Variants in GPRC5A observed in about 807,000 individuals in gnomAD.
GPRC5A encodes the protein G protein-coupled receptor class C group 5 member A.
In GPRC5A, 19 loss-of-function variants were observed where a neutral mutation model predicts 22.5. The observed-to-expected ratio is 0.85, with a 90% CI of 0.59 to 1.24. The LOEUF is 1.24. Among genes scored for constraint, GPRC5A ranks in the 50% most tolerant of loss-of-function variants. The pLI is 0.00. For synonymous variants in GPRC5A, 192 were observed against 184.5 expected, an observed-to-expected ratio of 1.04 and a Z score of -0.33; for missense variants, 471 against 451.1, an observed-to-expected ratio of 1.04 and a Z score of -0.40.
chr12:12,906,280 A>C lies in GPRC5A; in HGVS notation c.-7-1963A>C, dbSNP rs556209030. ...GTATATATAGAGTGATTAGAAGTAA[A>C]AATTCGAGGCTGGGCGGGGTGACTC... On this transcript the variant is annotated intron_variant, in intron 1 of 3. Transcript: ENST00000014914. Among the ~76,000 whole-genome samples, 3 of 152,344 alleles carry C rather than the reference A, an allele frequency of 2.0e-5. No homozygotes were observed. In the East Asian group the frequency reaches 5.8e-4, roughly 29 times the overall value.
chr12:12,895,117 T>C (rs866032370), intron 1 of GPRC5A, among the ~76,000 whole-genome samples: 9 of 152,290 alleles, frequency 5.9e-5, no homozygotes, highest in Middle Eastern at 6.8e-3. Flanking sequence ...TCCCTAATTA[T>C]TATAAAACAA....
intron 1 of GPRC5A, among the ~76,000 whole-genome samples, chr12:12,902,857 C>T (rs546373757): frequency 1.1e-4 from 17 of 152,092 alleles, no homozygotes; most frequent in African/African-American, 4.1e-4. Flanking sequence ...CAGCTGAGGT[C>T]GGGTATTTGA....
At position 12,915,789 on chromosome 12, in the gene GPRC5A, T is replaced by A. The variant is rs779765094; in HGVS notation, c.*3250T>A. On this transcript the variant is annotated 3_prime_UTR_variant, in exon 4 of 4. Transcript: ENST00000014914. ...CCGTGGCCTCTGAAAGTGCTGGGAT[T>A]ACAGGCATGAGCCACCGCGCCCGGC... 2.0e-6 allele frequency: 1 copy of A among 490,982 alleles called. No individual in the cohort carries two copies. Among genetic ancestry groups the A allele is most frequent in the Non-Finnish European group, 4.3e-6 (1 of 234,694 alleles). 30.4% of individuals were successfully genotyped at this position (490,982 alleles called of 1,614,324 possible).
At position 12,912,557 on chromosome 12, in the gene GPRC5A, G is replaced by C. The variant is rs779961481; in HGVS notation, c.*18G>C. On this transcript the variant is annotated 3_prime_UTR_variant, in exon 4 of 4. Coordinates refer to ENST00000014914, the MANE Select transcript of GPRC5A (RefSeq NM_003979.4). The stretch of plus-strand genomic sequence containing the variant: ...GCAGCTAACTCTGTCCTGAAGAGTG[G>C]GACAAATGCAGCCGGGCGGCAGATC... 1 of 1,435,794 alleles carries C rather than the reference G, an allele frequency of 7.0e-7. No homozygotes were observed. The highest frequency in any genetic ancestry group is 9.8e-7 in the Non-Finnish European group (1 of 1,017,484). The allele number at this position is 1,435,794 out of a possible 1,614,324, so 88.9% of individuals were successfully genotyped here.
chr12:12,906,534 G>A (rs1321458034), intron 1 of GPRC5A, among the ~76,000 whole-genome samples: 1 of 152,116 alleles, frequency 6.6e-6, no homozygotes, highest in Non-Finnish European at 1.5e-5. Context: ...GATCCAGCCT[G>A]GGTGACAGAG....
chr12:12,899,617 T>G (rs1037911966), intron 1 of GPRC5A, among the ~76,000 whole-genome samples: 1 of 152,202 alleles, frequency 6.6e-6, no homozygotes, highest in African/African-American at 2.4e-5. Context: ...AGCATGTAAA[T>G]GAGAGAATAT....
intron 1 of GPRC5A, among the ~76,000 whole-genome samples, chr12:12,892,517 A>G (rs969260130): frequency 1.3e-5 from 2 of 151,924 alleles, no homozygotes; most frequent in African/African-American, 2.4e-5. Context: ...ACAGGCATGC[A>G]CCACCACTCC....
rs1334753728 is a variant in GPRC5A at position 12,916,598 on chromosome 12, G to T, written c.*4059G>T. 1 of 152,184 alleles carries T rather than the reference G, an allele frequency of 6.6e-6. No homozygotes were observed. The highest frequency in any genetic ancestry group is 1.9e-4 in the East Asian group (1 of 5,194). The allele number at this position is 152,184 out of a possible 1,614,324, so 9.4% of individuals were successfully genotyped here. On this transcript the variant is annotated 3_prime_UTR_variant, in exon 4 of 4. Transcript: ENST00000014914. The stretch of plus-strand genomic sequence containing the variant: ...CTTCCTCCCTCCCACTAACTTTAAA[G>T]AATTGCTCTCCATCTCCTTTGGCAA...
chr12:12,911,710 G>C (rs771630991), intron 2 of GPRC5A, among the ~76,000 whole-genome samples: 13 of 152,006 alleles, frequency 8.6e-5, no homozygotes, highest in Admixed American at 2.0e-4. Context: ...GGATGGTCTC[G>C]ATCTCCTGAC....
At chr12:12,893,448 T>C (rs2136454039) in intron 1 of GPRC5A, among the ~76,000 whole-genome samples, 1 of 152,356 alleles carries the variant, frequency 6.6e-6, no homozygotes, top group Admixed American at 6.5e-5. Flanking sequence ...AACAATAAAT[T>C]GAGGAGTATT....
At chr12:12,898,914 G>A (rs1448626573) in intron 1 of GPRC5A, among the ~76,000 whole-genome samples, 1 of 152,124 alleles carries the variant, frequency 6.6e-6, no homozygotes, top group Non-Finnish European at 1.5e-5. Flanking sequence ...AGGTAGAATG[G>A]GTCACTGTTT....
Position 12,912,696 on chromosome 12 carries a change from T to C in GPRC5A, c.*157T>C, listed in dbSNP as rs1211205108. The stretch of plus-strand genomic sequence containing the variant: ...AGCCTCAACCACAATTCTTCCATGC[T>C]GGGGCTGATGTGGGCTAGTAAGACT... On this transcript the variant is annotated 3_prime_UTR_variant, in exon 4 of 4. Transcript: ENST00000014914. 3 of 600,682 alleles carry C rather than the reference T, an allele frequency of 5.0e-6. No homozygotes were observed. The highest frequency in any genetic ancestry group is 2.8e-5 in the East Asian group (1 of 36,226). The allele number at this position is 600,682 out of a possible 1,614,324, so 37.2% of individuals were successfully genotyped here.
At chr12:12,902,469 A>G (rs950494567) in intron 1 of GPRC5A, among the ~76,000 whole-genome samples, 2 of 152,196 alleles carry the variant, frequency 1.3e-5, no homozygotes, top group African/African-American at 4.8e-5. Context: ...TATCTTTTAG[A>G]GAGACGTTCT....
chr12:12,909,497 G>C (rs1863981305), intron 2 of GPRC5A: 2 of 225,608 alleles, frequency 8.9e-6, no homozygotes, highest in South Asian at 2.9e-4. Flanking sequence ...ATAAGATGCA[G>C]CAAAGACATG....
At chr12:12,911,488 CTTT>C in intron 2 of GPRC5A, among the ~76,000 whole-genome samples, 1 of 142,576 alleles carries the variant, frequency 7.0e-6, no homozygotes, top group South Asian at 2.3e-4. Flanking sequence ...ATGACTTTTT[CTTT>C]TTTTTTTTTT....
intron 2 of GPRC5A, among the ~76,000 whole-genome samples, chr12:12,911,456 A>T (rs753625340): frequency 2.0e-5 from 3 of 151,556 alleles, no homozygotes; most frequent in African/African-American, 4.9e-5. Context: ...GGCCAGATCT[A>T]TATCTGAAAT....
chr12:12,898,438 G>C (rs1863846051), intron 1 of GPRC5A, among the ~76,000 whole-genome samples: 1 of 152,120 alleles, frequency 6.6e-6, no homozygotes, highest in African/African-American at 2.4e-5. Flanking sequence ...GGCTGAGGTA[G>C]GAGGATCACC....
In GPRC5A at chr12:12,908,758, C is replaced by T. The variant is rs1314962703; in HGVS notation, c.509C>T (p.Ala170Val). The T allele has an allele frequency of 1.2e-6, 2 of 1,614,224 alleles. No individual in the cohort carries two copies. The highest frequency in any genetic ancestry group is 2.2e-5 in the East Asian group (1 of 44,888). Residue 170 changes from alanine to valine, a missense_variant, in exon 2 of 4, where the codon GCT becomes GTT. Coordinates refer to ENST00000014914, the MANE Select transcript of GPRC5A (RefSeq NM_003979.4). The stretch of plus-strand genomic sequence containing the variant: ...GTCAATGTCTTTTCTGAGCTTTCCG[C>T]TCCTCGTCGCAATGAAGACTTTGTC... ...TNVNVFSELSAPRRNEDFVLL... is the reference protein window; with the variant it reads ...TNVNVFSELSVPRRNEDFVLL...
intron 1 of GPRC5A, among the ~76,000 whole-genome samples, chr12:12,906,232 T>C (rs968019339): frequency 6.6e-6 from 1 of 152,176 alleles, no homozygotes; most frequent in African/African-American, 2.4e-5. Context: ...CTCATAGGGT[T>C]GCTATGAAAT....
Sources: gnomAD v4.1 joint callset for allele counts (sites outside exome capture counted in the v4.1 genomes callset) on GRCh38, gnomAD v4.1.1 for gene constraint, MANE v1.5 for transcripts, NCBI Gene and HGNC (gene_info 2026-07-23, HGNC 2026-07-21) for gene names.